Variants in RALYL observed in about 807,000 individuals in gnomAD.
RALYL encodes the protein RNA-binding Raly-like protein.
A neutral mutation model predicts 35.1 loss-of-function variants in RALYL; 29 were observed. The observed-to-expected ratio is 0.83, with a 90% confidence interval of 0.61 to 1.13. RALYL has a LOEUF of 1.13. RALYL is among the 50% of genes most tolerant of loss of function. RALYL has a pLI of 0.00. For missense variants in RALYL, 359 were observed against 360.4 expected, an observed-to-expected ratio of 1.00 and a Z score of 0.03; for synonymous variants, 120 against 127.6, an observed-to-expected ratio of 0.94 and a Z score of 0.40.
intron 1 of RALYL, among the ~76,000 whole-genome samples, chr8:84,381,431 C>T (rs16912767): frequency 0.03 from 4,507 of 151,904 alleles, 112 homozygotes; most frequent in East Asian, 0.13. Flanking sequence ...TCCACCTGTT[C>T]TTTCAGTTTC....
At chr8:84,573,906 T>C (rs1808674636) in intron 2 of RALYL, among the ~76,000 whole-genome samples, 2 of 151,992 alleles carry the variant, frequency 1.3e-5, no homozygotes, top group Admixed American at 1.3e-4. Flanking sequence ...TTTTATGCTT[T>C]TCTTTTAATT....
chr8:84,401,288 T>A (rs566407771), intron 1 of RALYL, among the ~76,000 whole-genome samples: 17 of 152,232 alleles, frequency 1.1e-4, no homozygotes, highest in African/African-American at 4.1e-4. Flanking sequence ...CTTCATTGAA[T>A]CTTAACTCAA....
At chr8:84,456,557 A>G (rs979673259) in intron 1 of RALYL, among the ~76,000 whole-genome samples, 9 of 152,122 alleles carry the variant, frequency 5.9e-5, no homozygotes, top group African/African-American at 1.9e-4. Flanking sequence ...AAAAAGGTGA[A>G]TGAATGATTC....
intron 2 of RALYL, among the ~76,000 whole-genome samples, chr8:84,543,521 G>A (rs2060156022): frequency 6.6e-6 from 1 of 151,652 alleles, no homozygotes; most frequent in Non-Finnish European, 1.5e-5. Flanking sequence ...AAACAACTTA[G>A]TAAAGTGGTT....
intron 1 of RALYL, among the ~76,000 whole-genome samples, chr8:84,242,854 A>C (rs1319004902): frequency 6.6e-6 from 1 of 152,068 alleles, no homozygotes; most frequent in Non-Finnish European, 1.5e-5. Flanking sequence ...ATTAGATTCC[A>C]TTTGTCAATT....
chr8:84,468,141 A>T (rs1313396407), intron 1 of RALYL, among the ~76,000 whole-genome samples: 1 of 151,912 alleles, frequency 6.6e-6, no homozygotes, highest in Non-Finnish European at 1.5e-5. Flanking sequence ...TAGTGCATTT[A>T]CATTTAAAGT....
intron 2 of RALYL, among the ~76,000 whole-genome samples, chr8:84,584,512 A>T (rs1811555748): frequency 6.6e-6 from 1 of 152,066 alleles, no homozygotes; most frequent in African/African-American, 2.4e-5. Flanking sequence ...CTGAGGAAGG[A>T]GAATCACTTG....
intron 4 of RALYL, among the ~76,000 whole-genome samples, chr8:84,830,920 C>A (rs1198701076): frequency 6.6e-6 from 1 of 151,710 alleles, no homozygotes; most frequent in Non-Finnish European, 1.5e-5. Context: ...TTTAAGACAC[C>A]AGATGCAATA....
At chr8:84,880,380 A>G (rs1443635688) in intron 7 of RALYL, among the ~76,000 whole-genome samples, 1 of 152,036 alleles carries the variant, frequency 6.6e-6, no homozygotes, top group Admixed American at 6.6e-5. Context: ...GAATAACTCA[A>G]TCACAGTCTT....
chr8:84,897,165 A>G (rs183438270), intron 8 of RALYL, among the ~76,000 whole-genome samples: 19 of 152,310 alleles, frequency 1.2e-4, no homozygotes, highest in African/African-American at 3.1e-4. Context: ...CGATTAAAAA[A>G]TATAATGCAT....
intron 8 of RALYL, among the ~76,000 whole-genome samples, chr8:84,912,522 C>T (rs1045722932): frequency 4.6e-5 from 7 of 151,966 alleles, no homozygotes. Context: ...CTTTGTGACC[C>T]AGAAGCTAAT....
intron 1 of RALYL, among the ~76,000 whole-genome samples, chr8:84,500,231 G>A (rs978006712): frequency 1.3e-5 from 2 of 152,108 alleles, no homozygotes; most frequent in South Asian, 2.1e-4. Context: ...TGAGAGTGGC[G>A]GTGTTTATTT....
intron 1 of RALYL, among the ~76,000 whole-genome samples, chr8:84,223,217 C>CCTTCCCTTCT (rs1294128986): frequency 5.6e-5 from 3 of 53,246 alleles, no homozygotes; most frequent in Non-Finnish European, 9.6e-5. Context: ...TCCTCCCTTC[C>CCTTCCCTTCT]CTTCCCTTCC....
intron 4 of RALYL, among the ~76,000 whole-genome samples, chr8:84,847,249 T>C (rs570003437): frequency 6.6e-6 from 1 of 152,190 alleles, no homozygotes; most frequent in Non-Finnish European, 1.5e-5. Flanking sequence ...GCATCTCTTA[T>C]AGCTAGGATC....
chr8:84,183,408 C>T lies in RALYL; in HGVS notation c.-1040C>T, dbSNP rs1223557523. On this transcript the variant is annotated 5_prime_UTR_variant, in exon 1 of 9. Transcript: ENST00000521268. ...AGAGTTGGGCTCCGTGGGCTTCCCCCCTCGCAGCCTCGGTCCTTCCCCGCT... is the reference window on the plus strand; with the variant it reads ...AGAGTTGGGCTCCGTGGGCTTCCCCTCTCGCAGCCTCGGTCCTTCCCCGCT... 1.3e-5 allele frequency: 2 copies of T among 153,458 alleles called. No homozygotes were observed. The highest frequency in any genetic ancestry group is 6.5e-5 in the Admixed American group (1 of 15,288). The allele number at this position is 153,458 out of a possible 1,614,324, so 9.5% of individuals were successfully genotyped here.
At chr8:84,454,464 G>T (rs1233500299) in intron 1 of RALYL, among the ~76,000 whole-genome samples, 1 of 151,954 alleles carries the variant, frequency 6.6e-6, no homozygotes, top group African/African-American at 2.4e-5. Context: ...GTGGAGGAAG[G>T]GATAATGGAA....
At chr8:84,334,147 G>C (rs1424686470) in intron 1 of RALYL, among the ~76,000 whole-genome samples, 5 of 152,110 alleles carry the variant, frequency 3.3e-5, no homozygotes, top group Non-Finnish European at 7.4e-5. Context: ...GCCTCCCCAA[G>C]TGCTGGGATT....
At chr8:84,751,770 T>C (rs537100124) in intron 2 of RALYL, among the ~76,000 whole-genome samples, 7 of 152,118 alleles carry the variant, frequency 4.6e-5, no homozygotes, top group Non-Finnish European at 8.8e-5. Flanking sequence ...TGTGCCAAGA[T>C]TGAAAGTTTC....
At chr8:84,206,400 C>T (rs920974817) in intron 1 of RALYL, among the ~76,000 whole-genome samples, 1 of 152,090 alleles carries the variant, frequency 6.6e-6, no homozygotes, top group Non-Finnish European at 1.5e-5. Context: ...CACTCAAAAG[C>T]TCCTTATTTT....
Sources: allele counts gnomAD v4.1 joint callset (sites outside exome capture counted in the v4.1 genomes callset), GRCh38; gene constraint gnomAD v4.1.1; transcripts MANE v1.5; gene names NCBI Gene and HGNC (gene_info 2026-07-23, HGNC 2026-07-21).